Variants in FRMD4A observed in about 807,000 individuals in gnomAD.
FRMD4A encodes FERM domain-containing protein 4A.
Under a neutral mutation model 129.1 loss-of-function variants are expected in FRMD4A, and 29 were observed. The observed-to-expected ratio is 0.22, with a 90% CI of 0.17 to 0.31. The LOEUF (loss-of-function observed/expected upper bound fraction) is 0.31, where lower values mean the gene tolerates loss of function less well. FRMD4A is among the 10% of genes least tolerant of loss of function. FRMD4A has a pLI of 1.00. For synonymous variants in FRMD4A, 634 were observed against 571.6 expected (o/e 1.11, Z -1.56); for missense variants, 1,272 against 1,375.8 (o/e 0.92, Z 1.19).
At chr10:13,655,127 G>A (rs1319792889) in intron 22 of FRMD4A, 1 of 152,344 alleles carries the variant, frequency 6.6e-6, no homozygotes, top group Non-Finnish European at 1.5e-5. Context: ...CAGCATGGAA[G>A]TCCAGCTGGA....
At chr10:14,022,185 A>G (rs746608692) in intron 2 of FRMD4A, among the ~76,000 whole-genome samples, 24 of 152,192 alleles carry the variant, frequency 1.6e-4, no homozygotes, top group Admixed American at 5.9e-4. Context: ...GTCAACAAAT[A>G]ATGAGTGGTA....
intron 9 of FRMD4A, 152 bp from the exon 10 acceptor site, chr10:13,740,729 A>T (rs944169624): frequency 3.5e-6 from 2 of 568,418 alleles, no homozygotes; most frequent in Non-Finnish European, 6.2e-6. Context: ...TGGTATTTCC[A>T]AACTCGGTCT....
intron 2 of FRMD4A, among the ~76,000 whole-genome samples, chr10:14,227,023 G>C (rs1051618145): frequency 6.6e-6 from 1 of 151,986 alleles, no homozygotes; most frequent in African/African-American, 2.4e-5. Flanking sequence ...CCACGATCTA[G>C]TGCCCACACA....
intron 2 of FRMD4A, among the ~76,000 whole-genome samples, chr10:14,223,762 AAAG>A (rs1463723832): frequency 1.1e-4 from 13 of 120,758 alleles, no homozygotes; most frequent in African/African-American, 4.3e-4. Context: ...AAAAAAAAAA[AAAG>A]AGAGAGAGAG....
intron 2 of FRMD4A, among the ~76,000 whole-genome samples, chr10:14,298,315 C>A (rs1439145603): frequency 6.6e-6 from 1 of 152,176 alleles, no homozygotes; most frequent in Non-Finnish European, 1.5e-5. Flanking sequence ...ACTGAATCCT[C>A]TTGGTCTAGT....
intron 2 of FRMD4A, among the ~76,000 whole-genome samples, chr10:14,243,546 C>T (rs11591980): frequency 0.054 from 8,190 of 152,070 alleles, 276 homozygotes; most frequent in South Asian, 0.18. Flanking sequence ...TACAACCAGT[C>T]ATAAAAAGGC....
intron 2 of FRMD4A, among the ~76,000 whole-genome samples, chr10:14,141,136 G>A (rs1018521610): frequency 6.6e-5 from 10 of 152,060 alleles, no homozygotes; most frequent in African/African-American, 2.4e-4. Flanking sequence ...CAGCGTCAGA[G>A]GCAGTAGCAA....
At chr10:14,010,119 G>T (rs1407376436) in intron 2 of FRMD4A, among the ~76,000 whole-genome samples, 1 of 143,794 alleles carries the variant, frequency 7.0e-6, no homozygotes, top group Non-Finnish European at 1.6e-5. Context: ...TTTGGGGTCG[G>T]TGGGGGGGAC....
In FRMD4A at chr10:14,077,392, G is replaced by A. The variant is rs145572719; in HGVS notation, c.46-218480C>T. On this transcript the variant is annotated intron_variant, in intron 2 of 24. Coordinates refer to ENST00000357447, the MANE Select transcript of FRMD4A (RefSeq NM_018027.5). The stretch of plus-strand genomic sequence containing the variant: ...AAAAGCCTGACTTCTTGGAGCTTTG[G>A]TTTTCTCATCTATCAAGTGAGAATA... Among the ~76,000 whole-genome samples the A allele has an allele frequency of 2.2e-3, 336 of 152,200 alleles. 2 individuals are homozygous for A. Among genetic ancestry groups the A allele is most frequent in the Non-Finnish European group, 3.7e-3 (249 of 67,998 alleles).
chr10:14,198,473 G>A (rs1842536699), intron 2 of FRMD4A, among the ~76,000 whole-genome samples: 1 of 152,198 alleles, frequency 6.6e-6, no homozygotes, highest in South Asian at 2.1e-4. Flanking sequence ...GTGTCCAGGG[G>A]GCCAGGAGGC....
At chr10:14,106,552 A>G (rs558162136) in intron 2 of FRMD4A, among the ~76,000 whole-genome samples, 2 of 152,320 alleles carry the variant, frequency 1.3e-5, no homozygotes, top group East Asian at 3.9e-4. Context: ...CAAAATCAGG[A>G]CTAGAGTTTT....
In FRMD4A at chr10:13,994,503, G is replaced by A. The variant is rs1299280633; in HGVS notation, c.46-135591C>T. On this transcript the variant is annotated intron_variant, in intron 2 of 24. Transcript: ENST00000357447. Reference sequence around the variant, plus strand: ...ATGCCCAGCTAAGTTTTGTACTTTCGTAGAGACACGGTTTCACCATGTTGG... The same window carrying A: ...ATGCCCAGCTAAGTTTTGTACTTTCATAGAGACACGGTTTCACCATGTTGG... Among the ~76,000 whole-genome samples the A allele has an allele frequency of 1.1e-4, 16 of 152,088 alleles. No homozygotes were observed. In the South Asian group the frequency reaches 2.9e-3, roughly 28 times the overall value.
At chr10:13,858,772 A>T in intron 3 of FRMD4A, 75 bp downstream of exon 3, 1 of 853,222 alleles carries the variant, frequency 1.2e-6, no homozygotes, top group South Asian at 1.3e-5. Context: ...ATCCCCCTTC[A>T]TCCCCAGCTG....
intron 15 of FRMD4A, among the ~76,000 whole-genome samples, chr10:13,689,549 C>CTTTTTTTTTTTTTTTTTTTTTT (rs34800095): frequency 5.4e-5 from 7 of 128,634 alleles, no homozygotes; most frequent in African/African-American, 2.1e-4. Flanking sequence ...TTAGAAGATT[C>CTTTTTTTTTTTTTTTTTTTTTT]TTTTTTTTTT....
At chr10:13,824,537 A>T (rs977822327) in intron 3 of FRMD4A, among the ~76,000 whole-genome samples, 2 of 151,712 alleles carry the variant, frequency 1.3e-5, no homozygotes, top group Admixed American at 6.6e-5. Flanking sequence ...AAACCAATAC[A>T]CCAATAATAA....
At chr10:13,963,576 C>T (rs527623597) in intron 2 of FRMD4A, among the ~76,000 whole-genome samples, 55 of 152,200 alleles carry the variant, frequency 3.6e-4, no homozygotes, top group African/African-American at 1.2e-3. Flanking sequence ...AGGAATTGTC[C>T]TTTATTAGGA....
chr10:13,990,073 C>G (rs1415924849), intron 2 of FRMD4A, among the ~76,000 whole-genome samples: 1 of 152,188 alleles, frequency 6.6e-6, no homozygotes, highest in South Asian at 2.1e-4. Flanking sequence ...GGATCTGCCA[C>G]TGCTGGCTGC....
intron 13 of FRMD4A, among the ~76,000 whole-genome samples, chr10:13,706,351 T>C (rs2087434772): frequency 6.6e-6 from 1 of 152,178 alleles, no homozygotes; most frequent in African/African-American, 2.4e-5. Context: ...GGGTATGAGC[T>C]GCCCAGACCC....
chr10:14,219,115 C>T (rs937646838), intron 2 of FRMD4A, among the ~76,000 whole-genome samples: 8 of 151,682 alleles, frequency 5.3e-5, no homozygotes, highest in African/African-American at 1.9e-4. Flanking sequence ...GCCAGATACA[C>T]AAGGCTCAAT....
Sources: gnomAD v4.1 joint callset for allele counts (sites outside exome capture counted in the v4.1 genomes callset) on GRCh38, gnomAD v4.1.1 for gene constraint, MANE v1.5 for transcripts, NCBI Gene and HGNC (gene_info 2026-07-23, HGNC 2026-07-21) for gene names.